MAVS: variants seen among roughly 807,000 people sequenced by gnomAD.
MAVS encodes mitochondrial antiviral signaling protein.
MAVS carries 20 observed loss-of-function variants against 30.2 expected under a neutral mutation model. That is an observed-to-expected ratio of 0.66 (90% CI 0.47 to 0.96). MAVS has a LOEUF of 0.96. MAVS is among the 40% of genes least tolerant of loss of function. MAVS has a pLI of 0.00. For synonymous variants in MAVS, 278 were observed against 293.9 expected, an observed-to-expected ratio of 0.95 and a Z score of 0.55; for missense variants, 624 against 701.1, an observed-to-expected ratio of 0.89 and a Z score of 1.24.
intron 1 of MAVS, among the ~76,000 whole-genome samples, chr20:3,851,503 CAAA>C (rs57620434): frequency 0.22 from 20,881 of 95,494 alleles, 1,622 homozygotes; most frequent in East Asian, 0.52. Flanking sequence ...GACTCTGTCT[CAAA>C]AAAAAAAAAA....
chr20:3,848,094 G>T (rs2089723512), intron 1 of MAVS, among the ~76,000 whole-genome samples: 1 of 152,062 alleles, frequency 6.6e-6, no homozygotes, highest in African/African-American at 2.4e-5. Context: ...GAGAAAGGAA[G>T]GAGAAAGGGG....
chr20:3,848,331 TCAA>T (rs1333516994), intron 1 of MAVS, among the ~76,000 whole-genome samples: 80 of 152,298 alleles, frequency 5.3e-4, no homozygotes, highest in South Asian at 1.0e-3. Context: ...ACTCCTGACC[TCAA>T]GTGATCTGCC....
At chr20:3,851,939 G>C (rs115415230) in intron 1 of MAVS, among the ~76,000 whole-genome samples, 2,470 of 151,116 alleles carry the variant, frequency 0.016, 80 homozygotes, top group African/African-American at 0.058. Flanking sequence ...TGGGCAACAA[G>C]AGTCTGGAAC....
intron 3 of MAVS, 36 bp downstream of exon 3, chr20:3,857,845 C>G (rs1352623907): frequency 1.2e-6 from 2 of 1,609,062 alleles, no homozygotes; most frequent in Non-Finnish European, 1.7e-6. Context: ...GGACCCCCAG[C>G]CTGCTCCCTG....
chr20:3,855,789 T>A (rs976057979), intron 2 of MAVS, among the ~76,000 whole-genome samples: 3 of 152,164 alleles, frequency 2.0e-5, no homozygotes, highest in Admixed American at 2.0e-4. Context: ...TTTAAAAAAT[T>A]TTTTTTTGAG....
chr20:3,861,157 T>C (rs1272591354), intron 3 of MAVS, among the ~76,000 whole-genome samples, 175 bp from the exon 4 acceptor site: 1 of 152,040 alleles, frequency 6.6e-6, no homozygotes, highest in Non-Finnish European at 1.5e-5. Context: ...CATGCCCGGC[T>C]AATAATAATG....
In MAVS at chr20:3,868,340, A is replaced by G. The variant is rs1259617480; in HGVS notation, c.*2193A>G. On this transcript the variant is annotated 3_prime_UTR_variant, in exon 7 of 7. Coordinates refer to ENST00000428216, the MANE Select transcript of MAVS (RefSeq NM_020746.5). ...GGGTAGCTTTGAAAAAAGTATCTCA[A>G]AAAGGCAACATGGGCCGAGCGCAGT... 1 of 152,364 alleles carries G rather than the reference A, an allele frequency of 6.6e-6. No individual in the cohort carries two copies. Among genetic ancestry groups the G allele is most frequent in the Non-Finnish European group, 1.5e-5 (1 of 68,074 alleles). The allele number at this position is 152,364 out of a possible 1,614,324, so 9.4% of individuals were successfully genotyped here.
At chr20:3,862,169 A>G (rs1348561196) in intron 4 of MAVS, 85 bp from the exon 5 acceptor site, 9 of 1,499,564 alleles carry the variant, frequency 6.0e-6, no homozygotes, top group African/African-American at 1.4e-5. Context: ...GCTGAGGCCT[A>G]TAGGAGATGC....
In MAVS at chr20:3,865,838, T is replaced by C. The variant is rs771181181; in HGVS notation, c.1314T>C (p.Asp438=). The C allele has an allele frequency of 1.2e-6, 2 of 1,614,010 alleles. No individual in the cohort carries two copies. Among genetic ancestry groups the C allele is most frequent in the Non-Finnish European group, 1.7e-6 (2 of 1,180,016 alleles). The change falls in exon 7 of 7, where the codon GAT becomes GAC. Residue 438 remains aspartate, a synonymous_variant. Coordinates refer to ENST00000428216, the MANE Select transcript of MAVS (RefSeq NM_020746.5). The surrounding 1 kb of genome is among the most constrained non-coding windows in gnomAD (Gnocchi z 4.7). ...VDSPFSGCFE[D]LAISASTSLG... ...GCCCGTTCTCGGGCTGCTTCGAGGATCTTGCCATCAGTGCCAGCACCTCCT... is the reference window on the plus strand; with the variant it reads ...GCCCGTTCTCGGGCTGCTTCGAGGACCTTGCCATCAGTGCCAGCACCTCCT...
chr20:3,858,405 C>T lies in MAVS; in HGVS notation c.292+596C>T, dbSNP rs938617435. On this transcript the variant is annotated intron_variant, in intron 3 of 6. Coordinates refer to ENST00000428216, the MANE Select transcript of MAVS (RefSeq NM_020746.5). Reference sequence around the variant, plus strand: ...GATCAAGACATGGGAGGAGGCTGGGCGCGGTGTTTCACACCTGTAATCCCA... The same window carrying T: ...GATCAAGACATGGGAGGAGGCTGGGTGCGGTGTTTCACACCTGTAATCCCA... Among the ~76,000 whole-genome samples, 7 of 152,224 alleles carry T rather than the reference C, an allele frequency of 4.6e-5. No individual in the cohort carries two copies. In the South Asian group the frequency reaches 1.0e-3, roughly 23 times the overall value.
Position 3,869,502 on chromosome 20 carries a change from T to C in MAVS, c.*3355T>C, listed in dbSNP as rs988284346. 1 of 152,256 alleles carries C rather than the reference T, an allele frequency of 6.6e-6. No homozygotes were observed. The highest frequency in any genetic ancestry group is 2.1e-4 in the South Asian group (1 of 4,808). The allele number at this position is 152,256 out of a possible 1,614,324, so 9.4% of individuals were successfully genotyped here. ...TAAATTTTTTATAGAGATGAGGTCA[T>C]GCTGTTATGTTGCCCAGGTTGGCCT... On this transcript the variant is annotated 3_prime_UTR_variant, in exon 7 of 7. Transcript: ENST00000428216.
intron 3 of MAVS, among the ~76,000 whole-genome samples, chr20:3,860,087 G>A (rs766859148): frequency 6.6e-6 from 1 of 152,136 alleles, no homozygotes; most frequent in Non-Finnish European, 1.5e-5. Context: ...AAAGTGCTGG[G>A]ATTACAGGCG....
At chr20:3,858,895 A>G (rs2089837126) in intron 3 of MAVS, among the ~76,000 whole-genome samples, 1 of 150,568 alleles carries the variant, frequency 6.6e-6, no homozygotes, top group Non-Finnish European at 1.5e-5. Context: ...GACCTCCTGG[A>G]CTCAAGTGAT....
intron 3 of MAVS, among the ~76,000 whole-genome samples, chr20:3,859,507 CCAAAA>C (rs1219925563): frequency 3.3e-4 from 12 of 36,128 alleles, no homozygotes; most frequent in African/African-American, 1.4e-3. Context: ...GACTCCGTCT[CCAAAA>C]AAAAAAAACC....
intron 5 of MAVS, 93 bp from the exon 6 acceptor site, chr20:3,864,163 G>A: frequency 7.3e-7 from 1 of 1,361,842 alleles, no homozygotes; most frequent in Non-Finnish European, 1.0e-6. Context: ...GACACAGTAG[G>A]GACCATGAGA....
At chr20:3,853,241 C>T (rs2089777782) in intron 1 of MAVS, among the ~76,000 whole-genome samples, 1 of 149,886 alleles carries the variant, frequency 6.7e-6, no homozygotes, top group Non-Finnish European at 1.5e-5. Flanking sequence ...AATCCCAGCA[C>T]TTTGGGAGGC....
chr20:3,847,132 G>A (rs1397855765), intron 1 of MAVS, among the ~76,000 whole-genome samples: 1 of 152,192 alleles, frequency 6.6e-6, no homozygotes, highest in African/African-American at 2.4e-5. Context: ...CCGGGGAAAA[G>A]GGGGTAGGTG....
Position 3,854,601 on chromosome 20 carries a change from CCT to C in MAVS, c.-18_-17del, listed in dbSNP as rs1393444712. 2 of 1,555,590 alleles carry C rather than the reference CCT, an allele frequency of 1.3e-6. No homozygotes were observed. The highest frequency in any genetic ancestry group is 1.1e-5 in the South Asian group (1 of 89,056). ...CATCCACCCTTCATGGGGCCAGAGC[CCT>C]CTCTCCAGAATCTGAGCAGCAATGC... On this transcript the variant is annotated 5_prime_UTR_variant, in exon 2 of 7. Coordinates refer to ENST00000428216, the MANE Select transcript of MAVS (RefSeq NM_020746.5).
At position 3,865,650 on chromosome 20, in the gene MAVS, C is replaced by G. The variant is rs777103816; in HGVS notation, c.1159-33C>G. On this transcript the variant is annotated intron_variant, in intron 6 of 6. Coordinates refer to ENST00000428216, the MANE Select transcript of MAVS (RefSeq NM_020746.5). This position sits in a 1 kb window ranked among gnomAD's most constrained non-coding sequence, Gnocchi z 4.7. ...ACCAGGTTCGTCTCCCTGCCAACCC[C>G]AGTCCCTTCCAGTGCTCTCCTTTCT... The G allele has an allele frequency of 6.4e-7, 1 of 1,556,578 alleles. No homozygotes were observed. The highest frequency in any genetic ancestry group is 1.2e-5 in the South Asian group (1 of 84,144).
Sources: gnomAD v4.1 joint callset for allele counts (sites outside exome capture counted in the v4.1 genomes callset) on GRCh38, gnomAD v4.1.1 for gene constraint, Gnocchi (gnomAD v3.1) non-coding constraint, MANE v1.5 for transcripts, NCBI Gene and HGNC (gene_info 2026-07-23, HGNC 2026-07-21) for gene names.